EVC2: variants seen among roughly 807,000 people sequenced by gnomAD.
EVC2 encodes EvC ciliary complex subunit 2, also known as limbin.
In EVC2, 148 loss-of-function variants were observed where a neutral mutation model predicts 149.3. The observed-to-expected ratio is 0.99, with a 90% CI of 0.87 to 1.14. The LOEUF is 1.14. Ranked by LOEUF, EVC2 falls within the 50% of genes most tolerant of loss-of-function variation. The probability of loss-of-function intolerance (pLI) is 0.00; values close to 1 mark genes in which losing one functional copy is unlikely to be tolerated. For synonymous variants in EVC2, 776 were observed against 649.9 expected, an observed-to-expected ratio of 1.19 and a Z score of -2.95; for missense variants, 1,854 against 1,627.3, an observed-to-expected ratio of 1.14 and a Z score of -2.40.
At chr4:5,629,769 C>T (rs1716392127) in intron 11 of EVC2, among the ~76,000 whole-genome samples, 7 of 152,204 alleles carry the variant, frequency 4.6e-5, no homozygotes, top group Admixed American at 4.6e-4. Flanking sequence ...CACCAGAATC[C>T]GTGTAACAGG....
intron 7 of EVC2, among the ~76,000 whole-genome samples, chr4:5,668,207 T>C (rs1241940742): frequency 2.0e-5 from 3 of 152,216 alleles, no homozygotes; most frequent in Non-Finnish European, 4.4e-5. Flanking sequence ...GTGCAGATTG[T>C]AGTCAAGGTT....
At chr4:5,685,330 G>T in intron 6 of EVC2, 40 bp downstream of exon 6, 3 of 1,580,350 alleles carry the variant, frequency 1.9e-6, no homozygotes, top group Non-Finnish European at 1.7e-6. Flanking sequence ...AACCTCTCTT[G>T]GCAGTGGCAA....
At chr4:5,570,617 C>G (rs1316098218) in intron 19 of EVC2, among the ~76,000 whole-genome samples, 1 of 152,138 alleles carries the variant, frequency 6.6e-6, no homozygotes, top group African/African-American at 2.4e-5. Flanking sequence ...AGTAGAATTA[C>G]CATTCGATCC....
chr4:5,539,204 A>G (rs1313439257), downstream of EVC2, among the ~76,000 whole-genome samples: 1 of 152,240 alleles, frequency 6.6e-6, no homozygotes, highest in Non-Finnish European at 1.5e-5. Context: ...TACTAGTAGT[A>G]TTCCAATACT....
chr4:5,584,657 G>T lies in EVC2; in HGVS notation c.3023C>A (p.Ser1008Ter), dbSNP rs60809236. The change falls in exon 17 of 22, where the codon TCG (serine) becomes TAG (stop). Residue 1008 changes from serine to a stop codon, truncating the protein, a stop_gained. Coordinates refer to ENST00000344408, the MANE Select transcript of EVC2 (RefSeq NM_147127.5). LOFTEE classifies it high-confidence loss of function. Reference sequence around the variant, plus strand: ...CGACTCCAGGATCTGTGTGCAGGCCGACTTGGTCAGCATCTCAGATGCACT... The same window carrying T: ...CGACTCCAGGATCTGTGTGCAGGCCTACTTGGTCAGCATCTCAGATGCACT... ...ELSASEMLTK[S>*]ACTQILESHS... is the part of the protein sequence containing the mutation. The T allele has an allele frequency of 3.7e-6, 6 of 1,613,646 alleles. No homozygotes were observed. The highest frequency in any genetic ancestry group is 1.3e-5 in the African/African-American group (1 of 74,834).
chr4:5,554,192 C>T (rs1721792128), intron 21 of EVC2, among the ~76,000 whole-genome samples: 1 of 152,132 alleles, frequency 6.6e-6, no homozygotes. Context: ...TTTTCTTGGA[C>T]CCATCCGAGA....
rs1198247691 is a variant in EVC2, at chr4:5,637,505, G to T, written c.1470+3009C>A. 6.6e-6 allele frequency among the ~76,000 whole-genome samples: 1 copy of T among 152,178 alleles called. No individual in the cohort carries two copies. Among genetic ancestry groups the T allele is most frequent in the Non-Finnish European group, 1.5e-5 (1 of 68,030 alleles). On this transcript the variant is annotated intron_variant, in intron 10 of 21. Coordinates refer to ENST00000344408, the MANE Select transcript of EVC2 (RefSeq NM_147127.5). This position sits in a 1 kb window ranked among gnomAD's most constrained non-coding sequence, Gnocchi z 4.4. ...TGCCAGACACACCATGCATGCTAAG[G>T]AAGGATGAGCTGTTATTGTTACACA...
intron 21 of EVC2, among the ~76,000 whole-genome samples, chr4:5,547,550 T>G (rs1721646093): frequency 6.6e-6 from 1 of 152,260 alleles, no homozygotes; most frequent in Non-Finnish European, 1.5e-5. Context: ...TGGCATACAC[T>G]TCCTCCCCTC....
chr4:5,692,350 A>G lies in EVC2; in HGVS notation c.451-1017T>C, dbSNP rs1473427758. Among the ~76,000 whole-genome samples the G allele has an allele frequency of 7.2e-5, 11 of 152,126 alleles. No individual in the cohort carries two copies. In the East Asian group the frequency reaches 1.9e-3, roughly 27 times the overall value. On this transcript the variant is annotated intron_variant, in intron 3 of 21. Coordinates refer to ENST00000344408, the MANE Select transcript of EVC2 (RefSeq NM_147127.5). ...GCCTAATAACCATAAAATGTCTGTC[A>G]TTGGCTGAGGGCCAGGCATGGCAGC... is the stretch of plus-strand genomic sequence containing the variant.
chr4:5,568,422 G>C (rs1577099408), intron 20 of EVC2, 22 bp downstream of exon 20: 1 of 1,539,884 alleles, frequency 6.5e-7, no homozygotes, highest in Non-Finnish European at 8.7e-7. Context: ...GCCCCGGGAG[G>C]CAGCCCCTCC....
chr4:5,678,539 GTTCCTAGAAA>G (rs1720141388), intron 7 of EVC2, among the ~76,000 whole-genome samples: 1 of 152,162 alleles, frequency 6.6e-6, no homozygotes, highest in African/African-American at 2.4e-5. Flanking sequence ...AGGAAGAGAT[GTTCCTAGAAA>G]TGCATTGTTA....
At chr4:5,690,726 C>A (rs113335059) in intron 4 of EVC2, among the ~76,000 whole-genome samples, 16,826 of 152,196 alleles carry the variant, frequency 0.11, 1,171 homozygotes, top group Non-Finnish European at 0.16. Context: ...CATGCCTGGT[C>A]TCTCCTGGGC....
chr4:5,534,880 T>C, the EVC2 span, among the ~76,000 whole-genome samples: 16,180 of 149,126 alleles, frequency 0.11, 965 homozygotes, highest in South Asian at 0.26. Context: ...AAATGGTTAA[T>C]GGCCATAACA....
chr4:5,568,038 A>G (rs1385741885), intron 20 of EVC2, among the ~76,000 whole-genome samples: 2 of 152,184 alleles, frequency 1.3e-5, no homozygotes, highest in African/African-American at 4.8e-5. Context: ...ACAAATACAC[A>G]TATTTACATG....
rs533262793 is a variant in EVC2 at position 5,618,613 on chromosome 4, G to T, written c.2571C>A (p.Gly857=). Residue 857 remains glycine (G), a synonymous_variant, in exon 15 of 22, where the codon GGC becomes GGA. Transcript: ENST00000344408. This position sits in a 1 kb window ranked among gnomAD's most constrained non-coding sequence, Gnocchi z 4.4. ...AGCTCCTGTCCATCTGAGCAAAGCA[G>T]CCATGGACCTCCTGCCTCATCCTGA... is the stretch of plus-strand genomic sequence containing the variant. ...ELLRMRQEVH[G]CFAQMDRSLA... The T allele has an allele frequency of 2.2e-5, 35 of 1,613,440 alleles. No homozygotes were observed. The East Asian group carries it at 7.4e-4, about 34-fold the overall frequency.
At chr4:5,555,205 T>G (rs1260558484) in intron 21 of EVC2, among the ~76,000 whole-genome samples, 1 of 151,598 alleles carries the variant, frequency 6.6e-6, no homozygotes. Flanking sequence ...GAGAAAATGA[T>G]TAATCAAAAC....
chr4:5,608,967 G>A (rs928762272), intron 16 of EVC2, among the ~76,000 whole-genome samples: 12 of 152,082 alleles, frequency 7.9e-5, no homozygotes, highest in Non-Finnish European at 1.8e-4. Flanking sequence ...TTCCGGAGCT[G>A]GGATATCCAT....
Position 5,670,155 on chromosome 4 carries a change from G to T in EVC2, c.871-4506C>A, listed in dbSNP as rs1415225320. On this transcript the variant is annotated intron_variant, in intron 7 of 21. Transcript: ENST00000344408. The surrounding 1 kb of genome is among the most constrained non-coding windows in gnomAD (Gnocchi z 5.2). ...TATGTAATTTTATGAGAAGAAGGAG[G>T]CTCCATATAATCACTACCATCACTA... 3.3e-5 allele frequency among the ~76,000 whole-genome samples: 5 copies of T among 152,090 alleles called. No individual in the cohort carries two copies. The highest frequency in any genetic ancestry group is 1.2e-4 in the African/African-American group (5 of 41,404).
chr4:5,632,420 T>C (rs923912720), intron 10 of EVC2, among the ~76,000 whole-genome samples: 1 of 152,210 alleles, frequency 6.6e-6, no homozygotes, highest in Admixed American at 6.5e-5. Context: ...CCCTGGAATA[T>C]GCTGTTCCAA....
Sources: gnomAD v4.1 joint callset for allele counts (sites outside exome capture counted in the v4.1 genomes callset) on GRCh38, gnomAD v4.1.1 for gene constraint, Gnocchi (gnomAD v3.1) non-coding constraint, MANE v1.5 for transcripts, NCBI Gene and HGNC (gene_info 2026-07-23, HGNC 2026-07-21) for gene names.